The following UBE2F variants were observed in gnomAD, a reference collection of about 807,000 sequenced individuals.
UBE2F encodes ubiquitin conjugating enzyme E2 F (putative).
Under a neutral mutation model 29.6 loss-of-function variants are expected in UBE2F, and 5 were observed. The observed-to-expected ratio is 0.17, with a 90% CI of 0.09 to 0.36. The LOEUF is 0.36. UBE2F is among the 10% of genes least tolerant of loss of function. The pLI, the probability that UBE2F is intolerant of heterozygous loss-of-function variation, is 1.00. For synonymous variants in UBE2F, 66 were observed against 81.8 expected (o/e 0.81, Z 1.04); for missense variants, 141 against 228.5 (o/e 0.62, Z 2.47).
intron 1 of UBE2F, among the ~76,000 whole-genome samples, chr2:237,971,314 CAATT>C (rs1250347967): frequency 6.6e-6 from 1 of 152,042 alleles, no homozygotes; most frequent in African/African-American, 2.4e-5. Flanking sequence ...GAACTGGTGA[CAATT>C]TATTTTGTTT....
intron 4 of UBE2F, among the ~76,000 whole-genome samples, chr2:238,005,186 C>CT (rs1347845024): frequency 6.6e-6 from 1 of 152,138 alleles, no homozygotes; most frequent in Admixed American, 6.5e-5. Flanking sequence ...AAGATTTTCT[C>CT]TTATTTTTAA....
In UBE2F at chr2:237,985,507, C is replaced by G. The variant is rs555770335; in HGVS notation, c.119-2456C>G. Among the ~76,000 whole-genome samples the G allele has an allele frequency of 2.5e-3, 374 of 152,278 alleles. 2 individuals are homozygous for G. Among genetic ancestry groups the G allele is most frequent in the African/African-American group, 8.6e-3 (358 of 41,546 alleles). On this transcript the variant is annotated intron_variant, in intron 2 of 9. Transcript: ENST00000272930. ...TTATGTAGCATAATGTCTAGATTTACCCATGTTGTTGCAAATGACAGGATC... is the reference window on the plus strand; with the variant it reads ...TTATGTAGCATAATGTCTAGATTTAGCCATGTTGTTGCAAATGACAGGATC...
rs1020828639 is a variant in UBE2F at position 238,001,293 on chromosome 2, A to G, written c.214+6484A>G. 4.7e-4 allele frequency among the ~76,000 whole-genome samples: 72 copies of G among 152,118 alleles called. 2 individuals carry two copies. Among genetic ancestry groups the G allele is most frequent in the African/African-American group, 1.7e-3 (72 of 41,422 alleles). ...GGTGATCTGCCCGCCTCAGCCTCCCAAAGTGCTGGGATTACAGGCGTGAGC... is the reference window on the plus strand; with the variant it reads ...GGTGATCTGCCCGCCTCAGCCTCCCGAAGTGCTGGGATTACAGGCGTGAGC... On this transcript the variant is annotated intron_variant, in intron 4 of 9. Transcript: ENST00000272930.
intron 4 of UBE2F, among the ~76,000 whole-genome samples, chr2:238,002,209 C>T (rs753129900): frequency 6.0e-5 from 9 of 150,418 alleles, no homozygotes; most frequent in Non-Finnish European, 8.9e-5. Flanking sequence ...GGATTACAGG[C>T]ATGCGCCACC....
intron 5 of UBE2F, among the ~76,000 whole-genome samples, chr2:238,018,509 C>T (rs545559447): frequency 1.3e-5 from 2 of 152,066 alleles, no homozygotes; most frequent in African/African-American, 2.4e-5. Context: ...CTCTGTGTGC[C>T]AGGTGTCTTG....
chr2:238,022,284 A>G (rs1323148234), intron 5 of UBE2F, among the ~76,000 whole-genome samples: 1 of 150,868 alleles, frequency 6.6e-6, no homozygotes, highest in Non-Finnish European at 1.5e-5. Flanking sequence ...TTATATTTTC[A>G]TTTCTTAAGT....
intron 4 of UBE2F, among the ~76,000 whole-genome samples, chr2:238,013,572 G>A (rs1257432058): frequency 2.0e-5 from 3 of 152,156 alleles, no homozygotes; most frequent in African/African-American, 4.8e-5. Flanking sequence ...CCTCAAGGGC[G>A]TTGTCCACAG....
At chr2:238,021,152 C>G (rs2064282847) in intron 5 of UBE2F, among the ~76,000 whole-genome samples, 1 of 152,148 alleles carries the variant, frequency 6.6e-6, no homozygotes, top group African/African-American at 2.4e-5. Flanking sequence ...TGGTTTCCTC[C>G]TGGAAGTGAA....
chr2:237,984,996 CAA>C (rs55984976), intron 2 of UBE2F, among the ~76,000 whole-genome samples: 6,526 of 129,920 alleles, frequency 0.05, 200 homozygotes, highest in African/African-American at 0.097. Context: ...TGGAAAAAGG[CAA>C]AAAAAAAAAA....
chr2:238,018,752 A>G (rs2064222534), intron 5 of UBE2F, among the ~76,000 whole-genome samples: 1 of 152,138 alleles, frequency 6.6e-6, no homozygotes. Context: ...TCTGAAAGCT[A>G]AAGTTAAAAA....
chr2:238,029,389 C>G (rs6431577), intron 6 of UBE2F, among the ~76,000 whole-genome samples: 126,775 of 151,848 alleles, frequency 0.83, 53,027 homozygotes, highest in East Asian at 0.97. Context: ...GAGATCGAGA[C>G]CATCCTGGTT....
intron 2 of UBE2F, among the ~76,000 whole-genome samples, chr2:237,980,950 A>G (rs2063366203): frequency 6.6e-6 from 1 of 152,180 alleles, no homozygotes; most frequent in Non-Finnish European, 1.5e-5. Context: ...GGATTTTGCA[A>G]TCTGATATTT....
chr2:238,032,606 G>C, intron 8 of UBE2F: 1 of 190,674 alleles, frequency 5.2e-6, no homozygotes, highest in Non-Finnish European at 1.1e-5. Flanking sequence ...CAGAGACTCT[G>C]CCTCAAAAAA....
intron 3 of UBE2F, among the ~76,000 whole-genome samples, chr2:237,988,626 A>AG (rs2063527126): frequency 6.6e-6 from 1 of 151,726 alleles, no homozygotes. Context: ...AAAAAAAAAA[A>AG]AAAAAAAAGA....
At chr2:238,013,248 ACT>A (rs1433526671) in intron 4 of UBE2F, among the ~76,000 whole-genome samples, 2 of 152,008 alleles carry the variant, frequency 1.3e-5, no homozygotes, top group African/African-American at 4.8e-5. Context: ...ATTGAATGAG[ACT>A]CTGTCTCAAA....
At chr2:237,983,912 C>G (rs1394510407) in intron 2 of UBE2F, among the ~76,000 whole-genome samples, 1 of 152,090 alleles carries the variant, frequency 6.6e-6, no homozygotes, top group Non-Finnish European at 1.5e-5. Flanking sequence ...CTCCAAGGTC[C>G]TTTTTTCTCC....
rs535189954 is a variant in UBE2F, at chr2:237,990,693, G to A, written c.148+2701G>A. ...GGAGAATGGCATGAACCCAGGAGGCGGAGCTTGCAGTGAGCCGAGATAGCA... is the reference window on the plus strand; with the variant it reads ...GGAGAATGGCATGAACCCAGGAGGCAGAGCTTGCAGTGAGCCGAGATAGCA... On this transcript the variant is annotated intron_variant, in intron 3 of 9. Transcript: ENST00000272930. 1.7e-3 allele frequency: 275 copies of A among 159,486 alleles called. 1 individual carries two copies. The highest frequency in any genetic ancestry group is 6.2e-3 in the African/African-American group (258 of 41,406). 9.9% of individuals were successfully genotyped at this position (159,486 alleles called of 1,614,324 possible).
chr2:238,033,274 T>A (rs1178953898), intron 8 of UBE2F, among the ~76,000 whole-genome samples: 1 of 152,258 alleles, frequency 6.6e-6, no homozygotes, highest in African/African-American at 2.4e-5. Context: ...AGAGGCTAAA[T>A]GGACTCAGCC....
In UBE2F at chr2:238,042,616, C is replaced by G. The variant is rs1471566820; in HGVS notation, c.*1278C>G. The G allele has an allele frequency of 6.6e-6, 1 of 152,268 alleles. No homozygotes were observed. The highest frequency in any genetic ancestry group is 1.5e-5 in the Non-Finnish European group (1 of 68,064). 9.4% of individuals were successfully genotyped at this position (152,268 alleles called of 1,614,324 possible). A position where few individuals can be genotyped will look rare whatever the true frequency, so the allele number is the denominator to read the frequency against. ...TTTCATTTGCTGCCTGCCTAACACT[C>G]TCAAACTTAACTGCCAGCTTCCTTA... On this transcript the variant is annotated 3_prime_UTR_variant, in exon 10 of 10. Coordinates refer to ENST00000272930, the MANE Select transcript of UBE2F (RefSeq NM_080678.3).
Sources: allele counts gnomAD v4.1 joint callset (sites outside exome capture counted in the v4.1 genomes callset), GRCh38; gene constraint gnomAD v4.1.1; transcripts MANE v1.5; gene names NCBI Gene and HGNC (gene_info 2026-07-23, HGNC 2026-07-21).